The following CCDC148 variants were observed in gnomAD, a reference collection of about 807,000 sequenced individuals.
CCDC148 encodes coiled-coil domain-containing protein 148.
In CCDC148, 89 loss-of-function variants were observed where a neutral mutation model predicts 85.7. The ratio of observed to expected loss-of-function variants is 1.04; its 90% confidence interval spans 0.87 to 1.24. The LOEUF (loss-of-function observed/expected upper bound fraction) is 1.24, where lower values mean the gene tolerates loss of function less well. Ranked by LOEUF, CCDC148 falls within the 50% of genes most tolerant of loss-of-function variation. CCDC148 has a pLI of 0.00. For synonymous variants in CCDC148, 230 were observed against 213.9 expected (o/e 1.08, Z -0.66); for missense variants, 692 against 671.7 (o/e 1.03, Z -0.33).
chr2:158,440,646 T>C (rs1036640737), intron 1 of CCDC148, among the ~76,000 whole-genome samples: 1 of 152,336 alleles, frequency 6.6e-6, no homozygotes, highest in Middle Eastern at 3.4e-3. Context: ...TAAAATAGAA[T>C]GTTTATAGCA....
chr2:158,355,216 A>G (rs1000257988), intron 2 of CCDC148, among the ~76,000 whole-genome samples: 1 of 152,126 alleles, frequency 6.6e-6, no homozygotes, highest in Non-Finnish European at 1.5e-5. Flanking sequence ...ATAGTGTTGG[A>G]AGTTCAGGCC....
chr2:158,262,423 TGG>T (rs1689269968), intron 9 of CCDC148, among the ~76,000 whole-genome samples: 1 of 151,968 alleles, frequency 6.6e-6, no homozygotes, highest in Admixed American at 6.6e-5. Flanking sequence ...GCTTAATACC[TGG>T]GTGATGAAAT....
At chr2:158,192,967 A>C (rs1312872100) in intron 11 of CCDC148, among the ~76,000 whole-genome samples, 1 of 152,076 alleles carries the variant, frequency 6.6e-6, no homozygotes, top group African/African-American at 2.4e-5. Context: ...TATGAAAGGC[A>C]ACTCACATTT....
At chr2:158,363,185 A>C in intron 1 of CCDC148, among the ~76,000 whole-genome samples, 1 of 151,954 alleles carries the variant, frequency 6.6e-6, no homozygotes, top group East Asian at 1.9e-4. Flanking sequence ...CCTATCAACC[A>C]AAAAAAAGTC....
intron 9 of CCDC148, among the ~76,000 whole-genome samples, chr2:158,280,394 G>A (rs932230501): frequency 6.6e-6 from 1 of 152,114 alleles, no homozygotes; most frequent in African/African-American, 2.4e-5. Flanking sequence ...CTCACATGCA[G>A]AGACACACAC....
At chr2:158,294,214 C>T (rs980084604) in intron 9 of CCDC148, among the ~76,000 whole-genome samples, 10 of 151,932 alleles carry the variant, frequency 6.6e-5, no homozygotes, top group African/African-American at 2.2e-4. Flanking sequence ...TTTTGTTTAG[C>T]GTAATACATT....
At chr2:158,418,673 G>A (rs1341931161) in intron 1 of CCDC148, among the ~76,000 whole-genome samples, 9 of 150,928 alleles carry the variant, frequency 6.0e-5, no homozygotes, top group Admixed American at 5.3e-4. Context: ...TTTTTTTTCA[G>A]AACACTCTCT....
intron 9 of CCDC148, among the ~76,000 whole-genome samples, chr2:158,268,714 C>T (rs1391632258): frequency 6.6e-6 from 1 of 152,114 alleles, no homozygotes; most frequent in Non-Finnish European, 1.5e-5. Context: ...AGTATGTACC[C>T]TTTGACTATG....
At chr2:158,380,544 A>G (rs1197585306) in intron 1 of CCDC148, among the ~76,000 whole-genome samples, 1 of 152,094 alleles carries the variant, frequency 6.6e-6, no homozygotes, top group Non-Finnish European at 1.5e-5. Context: ...AAAAATGTCA[A>G]CTCTTCCAAA....
chr2:158,354,254 A>G (rs1683495544), intron 2 of CCDC148, among the ~76,000 whole-genome samples: 1 of 152,152 alleles, frequency 6.6e-6, no homozygotes, highest in South Asian at 2.1e-4. Context: ...AAATAGAGAC[A>G]CAAAAAACCC....
At chr2:158,248,384 G>A (rs1287960512) in intron 10 of CCDC148, among the ~76,000 whole-genome samples, 1 of 151,874 alleles carries the variant, frequency 6.6e-6, no homozygotes, top group Non-Finnish European at 1.5e-5. Flanking sequence ...GTGTACTAAT[G>A]TCTATATCAT....
intron 7 of CCDC148, among the ~76,000 whole-genome samples, chr2:158,321,085 C>T (rs1459890799): frequency 6.6e-6 from 1 of 152,020 alleles, no homozygotes; most frequent in African/African-American, 2.4e-5. Flanking sequence ...AAAGGCACTC[C>T]ACCATATCTA....
chr2:158,326,017 C>G (rs1257386334), intron 7 of CCDC148, among the ~76,000 whole-genome samples: 2 of 152,132 alleles, frequency 1.3e-5, no homozygotes, highest in Non-Finnish European at 2.9e-5. Flanking sequence ...CTGCTCACTT[C>G]TGCTCAACAC....
chr2:158,197,694 C>A (rs1685746105), intron 11 of CCDC148, among the ~76,000 whole-genome samples: 1 of 152,084 alleles, frequency 6.6e-6, no homozygotes, highest in South Asian at 2.1e-4. Flanking sequence ...TATGTATTAA[C>A]CTGCTATGCA....
At chr2:158,243,198 G>A (rs1234035032) in intron 10 of CCDC148, among the ~76,000 whole-genome samples, 1 of 152,052 alleles carries the variant, frequency 6.6e-6, no homozygotes, top group African/African-American at 2.4e-5. Flanking sequence ...TCAAAAAAAT[G>A]CAAGGGGCCA....
intron 9 of CCDC148, among the ~76,000 whole-genome samples, chr2:158,282,057 G>C (rs1467317457): frequency 6.6e-6 from 1 of 151,672 alleles, no homozygotes; most frequent in Non-Finnish European, 1.5e-5. Context: ...TGCAGAAAAG[G>C]CCTTTGACAA....
chr2:158,413,472 C>T (rs1232348528), intron 1 of CCDC148, among the ~76,000 whole-genome samples: 1 of 152,082 alleles, frequency 6.6e-6, no homozygotes, highest in Non-Finnish European at 1.5e-5. Context: ...AACTCAATTC[C>T]ATAAATATTT....
chr2:158,442,129 A>G lies in CCDC148; in HGVS notation c.25+14286T>C, dbSNP rs113276961. 4.3e-3 allele frequency among the ~76,000 whole-genome samples: 658 copies of G among 152,298 alleles called. 2 individuals carry two copies. The highest frequency in any genetic ancestry group is 0.015 in the African/African-American group (610 of 41,570). On this transcript the variant is annotated intron_variant, in intron 1 of 13. Coordinates refer to ENST00000283233, the MANE Select transcript of CCDC148 (RefSeq NM_138803.4). ...ATTTGCTTTGATAGACAATAGAAAA[A>G]GAGCTCTGTTATAAAAAACAAAGGC...
At chr2:158,346,730 T>C (rs967888354) in intron 2 of CCDC148, among the ~76,000 whole-genome samples, 3 of 152,192 alleles carry the variant, frequency 2.0e-5, no homozygotes, top group African/African-American at 7.2e-5. Flanking sequence ...AAGTACTTAG[T>C]ACCCTAAAAG....
Sources: gnomAD v4.1 joint callset for allele counts (sites outside exome capture counted in the v4.1 genomes callset) on GRCh38, gnomAD v4.1.1 for gene constraint, MANE v1.5 for transcripts, NCBI Gene and HGNC (gene_info 2026-07-23, HGNC 2026-07-21) for gene names.